The following PPP1R1B variants were observed in gnomAD, a reference collection of about 807,000 sequenced individuals.
PPP1R1B encodes the protein protein phosphatase 1 regulatory subunit 1B.
A neutral mutation model predicts 28.2 loss-of-function variants in PPP1R1B; 13 were observed. The ratio of observed to expected loss-of-function variants is 0.46; its 90% confidence interval spans 0.30 to 0.73. The LOEUF (loss-of-function observed/expected upper bound fraction) is 0.73. PPP1R1B is among the 30% of genes least tolerant of loss of function. PPP1R1B has a pLI of 0.07. For synonymous variants in PPP1R1B, 102 were observed against 97.5 expected (o/e 1.05, Z -0.27); for missense variants, 236 against 256.7 (o/e 0.92, Z 0.55).
chr17:39,628,334 G>T (rs2056851446), intron 1 of PPP1R1B, among the ~76,000 whole-genome samples: 1 of 151,918 alleles, frequency 6.6e-6, no homozygotes, highest in African/African-American at 2.4e-5. Context: ...GCTTGGCTGG[G>T]GAGGTGGCAG....
chr17:39,627,225 C>A lies in PPP1R1B; in HGVS notation c.-168C>A, dbSNP rs892329403. ...GCCCAGCCCGGGCGCCGACCCTCCT[C>A]CCGCTCCCGCGCCCTCCCCTCGGCG... is the stretch of plus-strand genomic sequence containing the variant. On this transcript the variant is annotated 5_prime_UTR_variant, in exon 1 of 7. Coordinates refer to ENST00000254079, the MANE Select transcript of PPP1R1B (RefSeq NM_032192.4). The A allele has an allele frequency of 9.5e-6, 5 of 527,234 alleles. No homozygotes were observed. Among genetic ancestry groups the A allele is most frequent in the Non-Finnish European group, 1.6e-5 (5 of 310,290 alleles). The allele number at this position is 527,234 out of a possible 1,614,324, so 32.7% of individuals were successfully genotyped here. A position where few individuals can be genotyped will look rare whatever the true frequency, so the allele number is the denominator to read the frequency against.
chr17:39,627,204 A>C lies in PPP1R1B; in HGVS notation c.-189A>C. On this transcript the variant is annotated 5_prime_UTR_variant, in exon 1 of 7. Transcript: ENST00000254079. ...GTCCCGAGAGCCTGGGGGCGCGCCC[A>C]GCCCGGGCGCCGACCCTCCTCCCGC... The C allele has an allele frequency of 2.1e-6, 1 of 487,078 alleles. No individual in the cohort carries two copies. Among genetic ancestry groups the C allele is most frequent in the Non-Finnish European group, 3.6e-6 (1 of 279,926 alleles). The allele number at this position is 487,078 out of a possible 1,614,324, so 30.2% of individuals were successfully genotyped here. A position where few individuals can be genotyped will look rare whatever the true frequency, so the allele number is the denominator to read the frequency against.
In PPP1R1B at chr17:39,633,866, G is replaced by A. The variant is rs1648167385; in HGVS notation, c.242-17G>A. On this transcript the variant is annotated splice_polypyrimidine_tract_variant and intron_variant, in intron 4 of 6. Transcript: ENST00000254079. ...TGTCTAGCTGACCCTTGCTTTCCTC[G>A]GTCTCCTCTGTGCCAGCTGTGCAGC... 5.6e-6 allele frequency: 9 copies of A among 1,612,636 alleles called. No homozygotes were observed. The highest frequency in any genetic ancestry group is 7.6e-6 in the Non-Finnish European group (9 of 1,179,582).
At chr17:39,629,931 G>A in intron 3 of PPP1R1B, 41 bp from the exon 4 acceptor site, 1 of 1,587,168 alleles carries the variant, frequency 6.3e-7, no homozygotes, top group Non-Finnish European at 8.7e-7. Context: ...GAAGGCAAGG[G>A]CCTCTGCTGA....
rs1257093740 is a variant in PPP1R1B, at chr17:39,627,382, C to G, written c.-11C>G. 6.3e-7 allele frequency: 1 copy of G among 1,595,234 alleles called. No individual in the cohort carries two copies. Among genetic ancestry groups the G allele is most frequent in the Non-Finnish European group, 8.5e-7 (1 of 1,171,660 alleles). ...TCGCGCACCCCAGCCCCACCGCCCA[C>G]CCCGCGCGCCATGGACCCCAAGGAC... On this transcript the variant is annotated 5_prime_UTR_variant, in exon 1 of 7. Coordinates refer to ENST00000254079, the MANE Select transcript of PPP1R1B (RefSeq NM_032192.4).
At position 39,633,938 on chromosome 17, in the gene PPP1R1B, C is replaced by T. The variant is rs201938107; in HGVS notation, c.297C>T (p.Asn99=). 6.8e-6 allele frequency: 11 copies of T among 1,613,920 alleles called. No individual in the cohort carries two copies. In the East Asian group the frequency reaches 2.2e-4, roughly 33 times the overall value. The change falls in exon 5 of 7, where the codon AAC becomes AAT. Residue 99 remains asparagine, a synonymous_variant. Transcript: ENST00000254079. ...AGTCTATCAGCAATTTGAATGAGAA[C>T]CAGGCCTCAGAGGAGGAGGATGAGC... The part of the protein sequence containing the change: ...HLQSISNLNE[N]QASEEEDELG...
At chr17:39,635,397 CCT>C (rs772601392) in intron 5 of PPP1R1B, among the ~76,000 whole-genome samples, 1 of 152,070 alleles carries the variant, frequency 6.6e-6, no homozygotes, top group Non-Finnish European at 1.5e-5. Flanking sequence ...ACAATTTCCC[CCT>C]TTCTATTTCC....
intron 4 of PPP1R1B, chr17:39,632,286 TG>T (rs2144843337): frequency 1.3e-5 from 2 of 153,770 alleles, no homozygotes; most frequent in Non-Finnish European, 1.4e-5. Context: ...ATGAGGGAGG[TG>T]GGGGAAGCGA....
In PPP1R1B at chr17:39,633,715, A is replaced by T. The variant is rs1041152921; in HGVS notation, c.242-168A>T. On this transcript the variant is annotated intron_variant, in intron 4 of 6. Coordinates refer to ENST00000254079, the MANE Select transcript of PPP1R1B (RefSeq NM_032192.4). ...CTGGCTGCCTCTGCCCTGGTCTGAC[A>T]CCCATCAGGCTGACCTGTCAACTTT... is the stretch of plus-strand genomic sequence containing the variant. The T allele has an allele frequency of 1.9e-5, 23 of 1,194,520 alleles. No homozygotes were observed. The East Asian group carries it at 5.8e-4, about 30-fold the overall frequency. 74.0% of individuals were successfully genotyped at this position (1,194,520 alleles called of 1,614,324 possible). A position where few individuals can be genotyped will look rare whatever the true frequency, so the allele number is the denominator to read the frequency against.
Position 39,629,462 on chromosome 17 carries a change from G to A in PPP1R1B, c.143-78G>A, listed in dbSNP as rs564055716. On this transcript the variant is annotated intron_variant, in intron 2 of 6. Coordinates refer to ENST00000254079, the MANE Select transcript of PPP1R1B (RefSeq NM_032192.4). ...ATTGAGACCCTGGGGAAAATAACTC[G>A]GATTCTTTCTCTCTCTCCCTCTTCT... is the stretch of plus-strand genomic sequence containing the variant. 242 of 1,579,864 alleles carry A rather than the reference G, an allele frequency of 1.5e-4. 1 individual carries two copies. Among genetic ancestry groups the A allele is most frequent in the Non-Finnish European group, 2.0e-4 (227 of 1,150,706 alleles).
intron 5 of PPP1R1B, 40 bp from the exon 6 acceptor site, chr17:39,635,566 AC>A (rs1302819588): frequency 8.1e-6 from 13 of 1,595,588 alleles, no homozygotes; most frequent in Non-Finnish European, 1.1e-5. Context: ...CCGGATGGAT[AC>A]GCAGAGCCTG....
intron 4 of PPP1R1B, among the ~76,000 whole-genome samples, chr17:39,631,451 CCT>C (rs1375068551): frequency 3.3e-5 from 5 of 152,084 alleles, no homozygotes; most frequent in Admixed American, 1.3e-4. Flanking sequence ...GGGAGATATA[CCT>C]GAAGGACATA....
Position 39,635,797 on chromosome 17 carries a change from C to G in PPP1R1B, c.566-19C>G, listed in dbSNP as rs754063509. On this transcript the variant is annotated intron_variant, in intron 6 of 6. Coordinates refer to ENST00000254079, the MANE Select transcript of PPP1R1B (RefSeq NM_032192.4). ...GTGGGTGGGGCCAGGCCCTGAGTCC[C>G]TCTCTGCTTGCCTTTCAGAGCCTGG... The G allele has an allele frequency of 6.2e-7, 1 of 1,613,958 alleles. No individual in the cohort carries two copies. The highest frequency in any genetic ancestry group is 1.7e-5 in the Admixed American group (1 of 60,012).
At position 39,635,655 on chromosome 17, in the gene PPP1R1B, G is replaced by A. The variant is rs1433950150; in HGVS notation, c.494G>A (p.Arg165His). Residue 165 changes from arginine (R) to histidine (H), a missense_variant, in exon 6 of 7, where the codon CGC becomes CAC. Coordinates refer to ENST00000254079, the MANE Select transcript of PPP1R1B (RefSeq NM_032192.4). ...CAGGGTCTGGAAGGGCCCTGGGAGC[G>A]CCCACCCCCTCTGGATGAGTCCGAG... Reference protein sequence around the residue: ...CGQGLEGPWERPPPLDESERD... With the variant: ...CGQGLEGPWEHPPPLDESERD... 7.4e-6 allele frequency: 12 copies of A among 1,614,100 alleles called. No individual in the cohort carries two copies. Among genetic ancestry groups the A allele is most frequent in the Admixed American group, 1.7e-5 (1 of 60,020 alleles).
intron 5 of PPP1R1B, among the ~76,000 whole-genome samples, chr17:39,634,935 C>A (rs535798338): frequency 5.3e-5 from 8 of 152,204 alleles, no homozygotes; most frequent in Non-Finnish European, 1.0e-4. Context: ...GTGGCTCATG[C>A]CTGTAATTCC....
rs1171477074 is a variant in PPP1R1B, at chr17:39,635,718, C to A, written c.557C>A (p.Ala186Glu). Reference protein sequence around the residue: ...GGSEDQVEDPALSEPGEEPQR... With the variant: ...GGSEDQVEDPELSEPGEEPQR... The stretch of plus-strand genomic sequence containing the variant: ...TCTGAGGACCAAGTGGAAGACCCAG[C>A]ACTAAGTGGTAAGGCTTGGGAGTGT... Residue 186 changes from alanine (A) to glutamate (E), a missense_variant, in exon 6 of 7, where the codon GCA becomes GAA. Coordinates refer to ENST00000254079, the MANE Select transcript of PPP1R1B (RefSeq NM_032192.4). 14 of 1,613,928 alleles carry A rather than the reference C, an allele frequency of 8.7e-6. No homozygotes were observed. The highest frequency in any genetic ancestry group is 1.0e-5 in the Non-Finnish European group (12 of 1,179,988).
At chr17:39,635,392 T>C (rs995984218) in intron 5 of PPP1R1B, among the ~76,000 whole-genome samples, 1 of 152,050 alleles carries the variant, frequency 6.6e-6, no homozygotes, top group Non-Finnish European at 1.5e-5. Flanking sequence ...TCTACACAAT[T>C]TCCCCCTTTC....
chr17:39,633,331 A>G (rs1397361382), intron 4 of PPP1R1B: 1 of 163,618 alleles, frequency 6.1e-6, no homozygotes, highest in Admixed American at 5.7e-5. Flanking sequence ...CCGGGGCAGG[A>G]GTATGTGGAT....
intron 4 of PPP1R1B, chr17:39,633,625 G>T (rs916185706): frequency 3.4e-5 from 15 of 445,836 alleles, no homozygotes; most frequent in Non-Finnish European, 5.7e-5. Context: ...CCTATGGTGT[G>T]GGGGAGCTGC....
Sources: gnomAD v4.1 joint callset for allele counts (sites outside exome capture counted in the v4.1 genomes callset) on GRCh38, gnomAD v4.1.1 for gene constraint, MANE v1.5 for transcripts, NCBI Gene and HGNC (gene_info 2026-07-23, HGNC 2026-07-21) for gene names.